Variants in STAT3 observed in about 807,000 individuals in gnomAD.
STAT3 encodes the protein DNA-binding protein APRF.
A neutral mutation model predicts 114.3 loss-of-function variants in STAT3; 7 were observed. The ratio of observed to expected loss-of-function variants is 0.06; its 90% confidence interval spans 0.03 to 0.11. STAT3 has a LOEUF of 0.11. STAT3 is among the 10% of genes least tolerant of loss of function. STAT3 has a pLI of 1.00. For missense variants in STAT3, 364 were observed against 960.9 expected, an observed-to-expected ratio of 0.38 and a Z score of 8.21; for synonymous variants, 331 against 354.5, an observed-to-expected ratio of 0.93 and a Z score of 0.74.
intron 1 of STAT3, among the ~76,000 whole-genome samples, chr17:42,382,260 A>G (rs2084840775): frequency 6.6e-6 from 1 of 152,228 alleles, no homozygotes; most frequent in Non-Finnish European, 1.5e-5. Context: ...ACTTAGATTT[A>G]CCGAGCTCTT....
At chr17:42,320,868 G>A (rs894773054) in intron 21 of STAT3, among the ~76,000 whole-genome samples, 5 of 152,008 alleles carry the variant, frequency 3.3e-5, no homozygotes, top group African/African-American at 1.2e-4. Context: ...TGCTGAAGGG[G>A]AACAGACAGG....
Position 42,315,757 on chromosome 17 carries a change from G to A in STAT3, c.2301C>T (p.Thr767=), listed in dbSNP as rs955268684. The change falls in exon 24 of 24, where the codon ACC becomes ACT. Residue 767 remains threonine, a synonymous_variant. Coordinates refer to ENST00000264657, the MANE Select transcript of STAT3 (RefSeq NM_139276.3). ...CGTTCTCAGCTCCTCACATGGGGGAGGTAGCGCACTCCGAGGTCAACTCCA... is the reference window on the plus strand; with the variant it reads ...CGTTCTCAGCTCCTCACATGGGGGAAGTAGCGCACTCCGAGGTCAACTCCA... ...FDMELTSECA[T]SPM is the part of the protein sequence containing the mutation. 6.8e-6 allele frequency: 11 copies of A among 1,613,928 alleles called. No homozygotes were observed. The highest frequency in any genetic ancestry group is 9.3e-6 in the Non-Finnish European group (11 of 1,180,006).
Position 42,329,549 on chromosome 17 carries a change from C to T in STAT3, c.1233+5G>A, listed in dbSNP as rs2081902864. Reference sequence around the variant, plus strand: ...CCTTTGTGAAGGGGAGCTCCTCCCACATACCAAGTGTTTGAATTCTGCAGA... The same window carrying T: ...CCTTTGTGAAGGGGAGCTCCTCCCATATACCAAGTGTTTGAATTCTGCAGA... On this transcript the variant is annotated splice_donor_5th_base_variant and intron_variant, in intron 13 of 23. Transcript: ENST00000264657. The T allele has an allele frequency of 1.2e-6, 2 of 1,614,086 alleles. No homozygotes were observed. Among genetic ancestry groups the T allele is most frequent in the African/African-American group, 2.7e-5 (2 of 74,948 alleles).
chr17:42,376,095 G>A (rs1031047305), intron 1 of STAT3, among the ~76,000 whole-genome samples: 1 of 151,318 alleles, frequency 6.6e-6, no homozygotes, highest in African/African-American at 2.4e-5. Context: ...AGGTTGCAGT[G>A]AGCCGAGATC....
chr17:42,384,372 C>G (rs1165923604), intron 1 of STAT3, among the ~76,000 whole-genome samples: 1 of 152,020 alleles, frequency 6.6e-6, no homozygotes, highest in Non-Finnish European at 1.5e-5. Context: ...CCTCGTGATC[C>G]GCGCGTCTGG....
chr17:42,350,064 A>G (rs2082871529), intron 1 of STAT3, among the ~76,000 whole-genome samples: 1 of 152,174 alleles, frequency 6.6e-6, no homozygotes, highest in African/African-American at 2.4e-5. Flanking sequence ...TCCAAAAAAA[A>G]AAAAAGAGAA....
intron 14 of STAT3, among the ~76,000 whole-genome samples, chr17:42,326,958 A>C (rs989479587): frequency 6.6e-6 from 1 of 152,216 alleles, no homozygotes; most frequent in Non-Finnish European, 1.5e-5. Context: ...AGGTGGTCAC[A>C]AACAAACTGC....
Position 42,388,339 on chromosome 17 carries a change from G to A in STAT3, c.-84C>T, listed in dbSNP as rs1012047928. 3 of 1,231,906 alleles carry A rather than the reference G, an allele frequency of 2.4e-6. No individual in the cohort carries two copies. Among genetic ancestry groups the A allele is most frequent in the African/African-American group, 3.1e-5 (2 of 64,416 alleles). The allele number at this position is 1,231,906 out of a possible 1,614,324, so 76.3% of individuals were successfully genotyped here. A position where few individuals can be genotyped will look rare whatever the true frequency, so the allele number is the denominator to read the frequency against. ...CGCGTGTGCCGGGGACGGGCGGCGA[G>A]GCTCCCTCAGGCCGAAGGGCCTCTC... On this transcript the variant is annotated 5_prime_UTR_variant, in exon 1 of 24. Transcript: ENST00000264657.
chr17:42,329,587 G>A lies in STAT3; in HGVS notation c.1200C>T (p.Asn400=), dbSNP rs757298594. The A allele has an allele frequency of 5.6e-6, 9 of 1,614,132 alleles. No individual in the cohort carries two copies. The African/African-American group carries it at 1.1e-4, about 19-fold the overall frequency. Residue 400 remains asparagine (N), a synonymous_variant, in exon 13 of 24, where the codon AAC becomes AAT. Transcript: ENST00000264657. ...TGAATTCTGCAGAGAGGCTGCCGTT[G>A]TTGGATTCTTCCATGTTCATCACTT... ...NTKVMNMEES[N]NGSLSAEFKH... is the part of the protein sequence containing the mutation.
intron 1 of STAT3, among the ~76,000 whole-genome samples, chr17:42,374,379 A>C (rs906440891): frequency 3.3e-5 from 5 of 152,152 alleles, no homozygotes; most frequent in Admixed American, 6.5e-5. Context: ...AGACTGAAGC[A>C]GGTGGATCAC....
intron 1 of STAT3, among the ~76,000 whole-genome samples, chr17:42,349,310 T>C (rs2082835257): frequency 6.6e-6 from 1 of 152,196 alleles, no homozygotes; most frequent in African/African-American, 2.4e-5. Context: ...TAATTCCCAC[T>C]CCTCAGAGGT....
chr17:42,384,215 GC>G (rs2084966624), intron 1 of STAT3, among the ~76,000 whole-genome samples: 1 of 148,296 alleles, frequency 6.7e-6, no homozygotes, highest in Non-Finnish European at 1.5e-5. Context: ...TGCAAGCTCC[GC>G]CTCCCGAGTT....
Position 42,326,210 on chromosome 17 carries a change from G to C in STAT3, c.1282-11C>G. On this transcript the variant is annotated splice_polypyrimidine_tract_variant and intron_variant, in intron 14 of 23. Transcript: ENST00000264657. ...CACAATCAGGGAAGCCTACAGTAAC[G>C]AGAAGGACACTCTTAGGCCAGGTGT... 4.3e-6 allele frequency: 7 copies of C among 1,612,780 alleles called. No homozygotes were observed. Among genetic ancestry groups the C allele is most frequent in the Non-Finnish European group, 5.9e-6 (7 of 1,179,098 alleles).
intron 1 of STAT3, among the ~76,000 whole-genome samples, chr17:42,370,482 G>C (rs2084055051): frequency 6.6e-6 from 1 of 151,100 alleles, no homozygotes; most frequent in Non-Finnish European, 1.5e-5. Context: ...CTGACCTCGG[G>C]TGATCTGCCC....
Position 42,324,931 on chromosome 17 carries a change from C to A in STAT3, c.1464+32G>T, listed in dbSNP as rs181874173. The A allele has an allele frequency of 6.6e-5, 106 of 1,614,064 alleles. No homozygotes were observed. In the East Asian group the frequency reaches 2.3e-3, roughly 35 times the overall value. On this transcript the variant is annotated intron_variant, in intron 16 of 23. Transcript: ENST00000264657. The surrounding 1 kb of genome is among the most constrained non-coding windows in gnomAD (Gnocchi z 4.5). ...GGTACCCCTAAGTCGCAAGAGATCC[C>A]GGGGCACCAACTAAAAGGAGGGGGC...
intron 1 of STAT3, among the ~76,000 whole-genome samples, chr17:42,366,385 A>C (rs1338893594): frequency 6.8e-6 from 1 of 146,812 alleles, no homozygotes; most frequent in Non-Finnish European, 1.5e-5. Flanking sequence ...CAAAATCTGG[A>C]AGTGACCGGG....
In STAT3 at chr17:42,337,391, T is replaced by C; in HGVS notation, c.797+44A>G. 7 of 1,610,542 alleles carry C rather than the reference T, an allele frequency of 4.3e-6. No homozygotes were observed. The highest frequency in any genetic ancestry group is 5.9e-6 in the Non-Finnish European group (7 of 1,177,300). On this transcript the variant is annotated intron_variant, in intron 8 of 23. Transcript: ENST00000264657. The surrounding 1 kb of genome is among the most constrained non-coding windows in gnomAD (Gnocchi z 4.0). ...GCCTGCAGTTAAGATCAGAATTCAA[T>C]CTAGCTTTCGAGAAAGAAAGGAAAA... is the stretch of plus-strand genomic sequence containing the variant.
chr17:42,348,016 A>T (rs1405961865), intron 2 of STAT3, among the ~76,000 whole-genome samples: 1 of 152,236 alleles, frequency 6.6e-6, no homozygotes, highest in African/African-American at 2.4e-5. Flanking sequence ...ACTAAAGGGG[A>T]ATTACAAGTA....
chr17:42,380,225 C>CG (rs1036749255), intron 1 of STAT3, among the ~76,000 whole-genome samples: 28 of 151,618 alleles, frequency 1.8e-4, no homozygotes, highest in African/African-American at 5.1e-4. Context: ...TTAGTAGAGA[C>CG]GGGGTCTCAC....
Sources: gnomAD v4.1 joint callset for allele counts (sites outside exome capture counted in the v4.1 genomes callset) on GRCh38, gnomAD v4.1.1 for gene constraint, Gnocchi (gnomAD v3.1) non-coding constraint, MANE v1.5 for transcripts, NCBI Gene and HGNC (gene_info 2026-07-23, HGNC 2026-07-21) for gene names.